Variants in ZFR2 observed in about 807,000 individuals in gnomAD.
ZFR2 encodes zinc finger RNA-binding protein 2.
A neutral mutation model predicts 105.7 loss-of-function variants in ZFR2; 104 were observed. That is an observed-to-expected ratio of 0.98 (90% confidence interval 0.84 to 1.16). The LOEUF is 1.16. ZFR2 is among the 50% of genes most tolerant of loss of function. ZFR2 has a pLI of 0.00. For synonymous variants in ZFR2, 634 were observed against 597.7 expected, an observed-to-expected ratio of 1.06 and a Z score of -0.89; for missense variants, 1,425 against 1,355.5, an observed-to-expected ratio of 1.05 and a Z score of -0.80.
chr19:3,844,674 T>C (rs982049317), intron 1 of ZFR2, among the ~76,000 whole-genome samples: 6 of 152,182 alleles, frequency 3.9e-5, no homozygotes, highest in Admixed American at 2.0e-4. Flanking sequence ...TGGCCCAATG[T>C]TTTACATTTA....
At chr19:3,867,446 G>A (rs1317155342) in intron 1 of ZFR2, among the ~76,000 whole-genome samples, 1 of 151,942 alleles carries the variant, frequency 6.6e-6, no homozygotes, top group African/African-American at 2.4e-5. Flanking sequence ...GTGTGTGTTT[G>A]TACACTTGGG....
In ZFR2 at chr19:3,819,069, C is replaced by T. The variant is rs772588719; in HGVS notation, c.1907G>A (p.Arg636Gln). Residue 636 changes from arginine (R) to glutamine (Q), a missense_variant, in exon 12 of 19, where the codon CGA (arginine) becomes CAA (glutamine). Arg to Gln is a conservative substitution (Grantham distance 43). Coordinates refer to ENST00000262961, the MANE Select transcript of ZFR2 (RefSeq NM_015174.2). ...CCTGCGCTTGTCACCCTCTTCCTCTCGGCGGCCCCGGTCCTCCTCGGCCAG... is the reference window on the plus strand; with the variant it reads ...CCTGCGCTTGTCACCCTCTTCCTCTTGGCGGCCCCGGTCCTCCTCGGCCAG... ...DTLAEEDRGR[R>Q]EEEGDKRSSV... 102 of 1,612,072 alleles carry T rather than the reference C, an allele frequency of 6.3e-5. No individual in the cohort carries two copies. Among genetic ancestry groups the T allele is most frequent in the Admixed American group, 1.2e-4 (7 of 59,964 alleles).
chr19:3,831,954 T>C, intron 3 of ZFR2, 76 bp from the exon 4 acceptor site: 1 of 1,287,886 alleles, frequency 7.8e-7, no homozygotes, highest in Non-Finnish European at 1.0e-6. Context: ...GGCCCTGGAC[T>C]CAACTGGCTG....
At chr19:3,842,386 C>T (rs1253425702) in intron 1 of ZFR2, among the ~76,000 whole-genome samples, 1 of 152,114 alleles carries the variant, frequency 6.6e-6, no homozygotes. Context: ...AAATGTTAGA[C>T]AGCATGCAAT....
At chr19:3,811,927 ATATT>A (rs61564585) in intron 14 of ZFR2, among the ~76,000 whole-genome samples, 5,326 of 151,418 alleles carry the variant, frequency 0.035, 118 homozygotes, top group African/African-American at 0.052. Flanking sequence ...CACCCAGCTA[ATATT>A]TATTTATTTA....
chr19:3,839,584 A>C (rs1046518961), intron 1 of ZFR2, among the ~76,000 whole-genome samples: 34 of 144,544 alleles, frequency 2.4e-4, no homozygotes, highest in African/African-American at 7.1e-4. Flanking sequence ...AAAAAGCAGA[A>C]AGCAGTGATC....
rs995208499 is a variant in ZFR2, at chr19:3,821,423, C to G, written c.1548G>C (p.Lys516Asn). The G allele has an allele frequency of 9.9e-6, 16 of 1,610,726 alleles. No homozygotes were observed. The highest frequency in any genetic ancestry group is 1.3e-5 in the Non-Finnish European group (15 of 1,178,344). ...GCTTCCTCATGCGCTCCTCCAGGAC[C>G]TTCCGAGCCCGGCTGCTGGGCTCCG... ...IATEPSSRAR[K>N]VLEERMRKQR... is the part of the protein sequence containing the mutation. Residue 516 changes from lysine (K) to asparagine (N), a missense_variant, in exon 10 of 19, where the codon AAG becomes AAC. By Grantham distance (94) the Lys-to-Asn change is moderately conservative. Coordinates refer to ENST00000262961, the MANE Select transcript of ZFR2 (RefSeq NM_015174.2).
At chr19:3,822,283 G>T in intron 8 of ZFR2, 83 bp from the exon 9 acceptor site, 1 of 1,525,272 alleles carries the variant, frequency 6.6e-7, no homozygotes. Flanking sequence ...TCGCGGCGGA[G>T]CCTTCCTCCT....
In ZFR2 at chr19:3,804,388, T is replaced by C. The variant is rs1336925010; in HGVS notation, c.*1561A>G. ...CGGGCCCTGCTACCACAAGGGGGGA[T>C]TGGGGACCCCCTGCCTCAGGGCCAG... On this transcript the variant is annotated 3_prime_UTR_variant, in exon 19 of 19. Transcript: ENST00000262961. The C allele has an allele frequency of 6.6e-6, 1 of 151,244 alleles. No homozygotes were observed. Among genetic ancestry groups the C allele is most frequent in the East Asian group, 2.0e-4 (1 of 5,060 alleles). 9.4% of individuals were successfully genotyped at this position (151,244 alleles called of 1,614,324 possible). A position where few individuals can be genotyped will look rare whatever the true frequency, so the allele number is the denominator to read the frequency against.
At chr19:3,849,455 T>G (rs1349315561) in intron 1 of ZFR2, among the ~76,000 whole-genome samples, 1 of 152,030 alleles carries the variant, frequency 6.6e-6, no homozygotes, top group African/African-American at 2.4e-5. Context: ...CATTGTTCTC[T>G]GGGGTGGGGC....
At chr19:3,863,041 A>G (rs2038390272) in intron 1 of ZFR2, among the ~76,000 whole-genome samples, 1 of 152,226 alleles carries the variant, frequency 6.6e-6, no homozygotes, top group Non-Finnish European at 1.5e-5. Context: ...AGGTGGCGAC[A>G]TCGGACTCTC....
chr19:3,863,923 C>T lies in ZFR2; in HGVS notation c.53+5042G>A, dbSNP rs963021690. On this transcript the variant is annotated intron_variant, in intron 1 of 18. Coordinates refer to ENST00000262961, the MANE Select transcript of ZFR2 (RefSeq NM_015174.2). ...TTCACAACACCTACCCCAAGGATCA[C>T]GTGAGGGCTCAGTCAGTATCAGGTG... 2.6e-5 allele frequency among the ~76,000 whole-genome samples: 4 copies of T among 152,128 alleles called. No homozygotes were observed. In the South Asian group the frequency reaches 8.3e-4, roughly 32 times the overall value.
Position 3,813,821 on chromosome 19 carries a change from T to C in ZFR2, c.2241A>G (p.Pro747=), listed in dbSNP as rs1030779171. Reference sequence around the variant, plus strand: ...TTGGAAGGAAGGGCTGGGCCGCACCTGGGTCTGTGGAGGGGTCCTCCCGCA... The same window carrying C: ...TTGGAAGGAAGGGCTGGGCCGCACCCGGGTCTGTGGAGGGGTCCTCCCGCA... ...PLMREDPSTD[P]GVEEPQADAG... is the part of the protein sequence containing the mutation. The change falls in exon 14 of 19, where the codon CCA becomes CCG. Residue 747 remains proline (P), a splice_region_variant and synonymous_variant. Coordinates refer to ENST00000262961, the MANE Select transcript of ZFR2 (RefSeq NM_015174.2). This position sits in a 1 kb window ranked among gnomAD's most constrained non-coding sequence, Gnocchi z 4.4. 14 of 1,613,510 alleles carry C rather than the reference T, an allele frequency of 8.7e-6. No homozygotes were observed. The African/African-American group carries it at 1.5e-4, about 17-fold the overall frequency.
Position 3,834,330 on chromosome 19 carries a change from G to A in ZFR2, c.264+443C>T, listed in dbSNP as rs2038054062. ...AAGGTGAGGTCGTCAGCACCCAGGT[G>A]CACCCCACACACCACAGACTCCCTC... On this transcript the variant is annotated intron_variant, in intron 2 of 18. Coordinates refer to ENST00000262961, the MANE Select transcript of ZFR2 (RefSeq NM_015174.2). The surrounding 1 kb of genome is among the most constrained non-coding windows in gnomAD (Gnocchi z 5.3). 1.4e-5 allele frequency among the ~76,000 whole-genome samples: 2 copies of A among 146,916 alleles called. No homozygotes were observed. The highest frequency in any genetic ancestry group is 1.4e-4 in the Admixed American group (2 of 13,960).
chr19:3,841,079 G>A (rs191909953), intron 1 of ZFR2, among the ~76,000 whole-genome samples: 45 of 152,250 alleles, frequency 3.0e-4, no homozygotes, highest in Admixed American at 2.4e-3. Flanking sequence ...GGAGACCCAG[G>A]CCCCATCTCT....
intron 14 of ZFR2, 57 bp from the exon 15 acceptor site, chr19:3,811,423 C>T: frequency 6.6e-7 from 1 of 1,507,728 alleles, no homozygotes. Flanking sequence ...CGCTCTGCTG[C>T]CGACGGGGTG....
chr19:3,853,597 A>G (rs4806959), intron 1 of ZFR2, among the ~76,000 whole-genome samples: 125,915 of 152,126 alleles, frequency 0.83, 52,821 homozygotes, highest in East Asian at 0.99. Context: ...TACAATATGT[A>G]ATTCCATTTC....
chr19:3,864,924 T>A (rs2038413136), intron 1 of ZFR2, among the ~76,000 whole-genome samples: 1 of 152,030 alleles, frequency 6.6e-6, no homozygotes, highest in Non-Finnish European at 1.5e-5. Context: ...TTTTTTTGTA[T>A]GTTTAGTAGA....
intron 1 of ZFR2, among the ~76,000 whole-genome samples, chr19:3,868,133 G>C (rs959716447): frequency 1.4e-5 from 2 of 139,136 alleles, no homozygotes; most frequent in Admixed American, 7.3e-5. Flanking sequence ...ACCAGCAATC[G>C]GGGTCAGCTC....
Sources: allele counts gnomAD v4.1 joint callset (sites outside exome capture counted in the v4.1 genomes callset), GRCh38; gene constraint gnomAD v4.1.1; non-coding constraint Gnocchi (gnomAD v3.1); transcripts MANE v1.5; gene names NCBI Gene and HGNC (gene_info 2026-07-23, HGNC 2026-07-21).